PTPRZ1: variants seen among roughly 807,000 people sequenced by gnomAD.
The protein encoded by PTPRZ1 is protein tyrosine phosphatase receptor type Z1, also known as receptor-type tyrosine-protein phosphatase zeta.
Under a neutral mutation model 214.1 loss-of-function variants are expected in PTPRZ1, and 82 were observed. The observed-to-expected ratio is 0.38, with a 90% CI of 0.32 to 0.46. The LOEUF is 0.46. Among genes scored for constraint, PTPRZ1 ranks in the 20% least tolerant of loss-of-function variants. PTPRZ1 has a pLI of 1.00. For synonymous variants in PTPRZ1, 945 were observed against 987.9 expected (o/e 0.96, Z 0.81); for missense variants, 2,603 against 2,748.7 (o/e 0.95, Z 1.19).
chr7:122,036,471 G>A (rs1165838037), intron 17 of PTPRZ1, 129 bp from the exon 18 acceptor site: 1 of 655,346 alleles, frequency 1.5e-6, no homozygotes, highest in African/African-American at 1.8e-5. Flanking sequence ...TCCCCAAAAA[G>A]CCTATGAAAG....
Position 122,012,208 on chromosome 7 carries a change from G to T in PTPRZ1, c.3162G>T (p.Leu1054=), listed in dbSNP as rs1205985211. 6.8e-6 allele frequency: 11 copies of T among 1,613,660 alleles called. No individual in the cohort carries two copies. The highest frequency in any genetic ancestry group is 1.3e-5 in the African/African-American group (1 of 74,916). Residue 1054 remains leucine, a synonymous_variant, in exon 12 of 30, where the codon CTG becomes CTT. Transcript: ENST00000393386. The part of the protein sequence containing the change: ...SEIIYGNETE[L]QIPSFNEMVY... ...TAATATATGGAAATGAGACTGAACT[G>T]CAAATTCCTTCTTTCAATGAGATGG...
intron 1 of PTPRZ1, among the ~76,000 whole-genome samples, chr7:121,884,848 C>G (rs914663463): frequency 2.6e-5 from 4 of 152,298 alleles, no homozygotes; most frequent in African/African-American, 9.6e-5. Flanking sequence ...AACACAAAGA[C>G]ATGAATTCAT....
chr7:122,001,675 G>A (rs1361608222), intron 10 of PTPRZ1, among the ~76,000 whole-genome samples: 1 of 152,140 alleles, frequency 6.6e-6, no homozygotes, highest in African/African-American at 2.4e-5. Flanking sequence ...AATAAGCCTT[G>A]CTTGCTCACC....
At chr7:121,983,890 G>C in intron 7 of PTPRZ1, 68 bp downstream of exon 7, 1 of 1,587,454 alleles carries the variant, frequency 6.3e-7, no homozygotes, top group Non-Finnish European at 8.6e-7. Context: ...TTCTAAGTTT[G>C]CTATAAAATA....
At chr7:121,936,192 A>G (rs1290910964) in intron 2 of PTPRZ1, among the ~76,000 whole-genome samples, 2 of 152,192 alleles carry the variant, frequency 1.3e-5, no homozygotes, top group South Asian at 2.1e-4. Context: ...GCAAAAAGAT[A>G]AAAAATCATT....
In PTPRZ1 at chr7:121,877,325, T is replaced by C. The variant is rs529670484; in HGVS notation, c.58+3768T>C. ...GCTTTTCCTCTTTTCATTCCCAGGA[T>C]CAATTTGCTGTTTGGCATTCACTAG... On this transcript the variant is annotated intron_variant, in intron 1 of 29. Coordinates refer to ENST00000393386, the MANE Select transcript of PTPRZ1 (RefSeq NM_002851.3). Among the ~76,000 whole-genome samples, 13 of 152,288 alleles carry C rather than the reference T, an allele frequency of 8.5e-5. No individual in the cohort carries two copies. The South Asian group carries it at 2.7e-3, about 32-fold the overall frequency.
chr7:122,041,048 C>A, intron 21 of PTPRZ1, 69 bp downstream of exon 21: 1 of 1,316,600 alleles, frequency 7.6e-7, no homozygotes, highest in Non-Finnish European at 9.9e-7. Context: ...ATCAATGGAA[C>A]AAAGCTTTTG....
At chr7:121,941,742 G>T (rs1267724781) in intron 2 of PTPRZ1, among the ~76,000 whole-genome samples, 1 of 152,060 alleles carries the variant, frequency 6.6e-6, no homozygotes, top group Non-Finnish European at 1.5e-5. Flanking sequence ...GTATCTGAGG[G>T]GCCTGTGTCT....
chr7:121,889,003 A>C (rs931222977), intron 1 of PTPRZ1, among the ~76,000 whole-genome samples: 1 of 152,188 alleles, frequency 6.6e-6, no homozygotes, highest in African/African-American at 2.4e-5. Flanking sequence ...ACAATTATAT[A>C]GGGAATGAAT....
At chr7:122,004,020 G>A (rs1420144712) in intron 10 of PTPRZ1, among the ~76,000 whole-genome samples, 1 of 152,190 alleles carries the variant, frequency 6.6e-6, no homozygotes, top group African/African-American at 2.4e-5. Flanking sequence ...CTTGCTGACA[G>A]CAAGGCTGGA....
rs1011254383 is a variant in PTPRZ1, at chr7:122,012,496, A to T, written c.3450A>T (p.Pro1150=). 1 of 1,613,980 alleles carries T rather than the reference A, an allele frequency of 6.2e-7. No homozygotes were observed. Among genetic ancestry groups the T allele is most frequent in the African/African-American group, 1.3e-5 (1 of 74,936 alleles). Residue 1150 remains proline, a synonymous_variant, in exon 12 of 30, where the codon CCA becomes CCT. Transcript: ENST00000393386. ...LKPVLSANSE[P]ASSDPASSEM... is the part of the protein sequence containing the mutation. ...CTGTGCTTAGTGCAAACTCAGAGCC[A>T]GCATCCTCTGACCCTGCTTCTAGTG...
At chr7:121,924,857 A>C (rs1308242927) in intron 1 of PTPRZ1, among the ~76,000 whole-genome samples, 1 of 152,228 alleles carries the variant, frequency 6.6e-6, no homozygotes, top group Non-Finnish European at 1.5e-5. Context: ...AGAAAATTTC[A>C]ATTGATTGCC....
intron 2 of PTPRZ1, among the ~76,000 whole-genome samples, chr7:121,955,384 A>C (rs776972150): frequency 6.6e-6 from 1 of 152,234 alleles, no homozygotes; most frequent in Non-Finnish European, 1.5e-5. Context: ...TTCTGCAAGA[A>C]GAGAGATTTT....
rs544267616 is a variant in PTPRZ1, at chr7:121,980,864, C to G, written c.620-2801C>G. Reference sequence around the variant, plus strand: ...AAAGTGTGGTTAAGAAAGACTAGGCCGGGCGTGGTGTCTCACGCCTGTGAT... The same window carrying G: ...AAAGTGTGGTTAAGAAAGACTAGGCGGGGCGTGGTGTCTCACGCCTGTGAT... On this transcript the variant is annotated intron_variant, in intron 6 of 29. Transcript: ENST00000393386. Among the ~76,000 whole-genome samples the G allele has an allele frequency of 2.0e-5, 3 of 152,172 alleles. 1 individual carries two copies.
At chr7:121,998,834 G>A (rs1798228145) in intron 10 of PTPRZ1, among the ~76,000 whole-genome samples, 1 of 151,984 alleles carries the variant, frequency 6.6e-6, no homozygotes, top group South Asian at 2.1e-4. Context: ...ATCCATATTA[G>A]GAGCCTACTC....
intron 2 of PTPRZ1, among the ~76,000 whole-genome samples, chr7:121,947,644 T>C (rs759174002): frequency 1.3e-5 from 2 of 152,206 alleles, no homozygotes; most frequent in Non-Finnish European, 2.9e-5. Context: ...TAATATGGGC[T>C]TCCCTTTATT....
Position 122,010,479 on chromosome 7 carries a change from A to G in PTPRZ1, c.1433A>G (p.Lys478Arg). 6.2e-7 allele frequency: 1 copy of G among 1,614,094 alleles called. No individual in the cohort carries two copies. The highest frequency in any genetic ancestry group is 1.1e-5 in the South Asian group (1 of 91,080). The stretch of plus-strand genomic sequence containing the variant: ...ATAGGGACGAAATACAATGAAGCCA[A>G]GACTAACCGATCCCCAACAAGAGGA... ...NRIGTKYNEA[K>R]TNRSPTRGSE... Residue 478 changes from lysine (K) to arginine (R), a missense_variant, in exon 12 of 30, where the codon AAG becomes AGG. By Grantham distance (26) the Lys-to-Arg change is conservative. Coordinates refer to ENST00000393386, the MANE Select transcript of PTPRZ1 (RefSeq NM_002851.3).
At chr7:122,023,487 A>G (rs891102422) in intron 13 of PTPRZ1, among the ~76,000 whole-genome samples, 1 of 134,786 alleles carries the variant, frequency 7.4e-6, no homozygotes, top group East Asian at 2.0e-4. Context: ...ATATAATTTT[A>G]TATATAATTA....
chr7:121,942,627 G>A (rs112458481), intron 2 of PTPRZ1, among the ~76,000 whole-genome samples: 1 of 152,148 alleles, frequency 6.6e-6, no homozygotes, highest in African/African-American at 2.4e-5. Context: ...AAGTCTCATT[G>A]ATGAGTTTTT....
Sources: allele counts gnomAD v4.1 joint callset (sites outside exome capture counted in the v4.1 genomes callset), GRCh38; gene constraint gnomAD v4.1.1; transcripts MANE v1.5; gene names NCBI Gene and HGNC (gene_info 2026-07-23, HGNC 2026-07-21).